ASXL2: variants seen among roughly 807,000 people sequenced by gnomAD.
The protein encoded by ASXL2 is putative Polycomb group protein ASXL2.
Under a neutral mutation model 122.0 loss-of-function variants are expected in ASXL2, and 23 were observed. The observed-to-expected ratio is 0.19, with a 90% CI of 0.14 to 0.27. ASXL2 has a LOEUF of 0.27. Among genes scored for constraint, ASXL2 ranks in the 10% least tolerant of loss-of-function variants. ASXL2 has a pLI of 1.00. For missense variants in ASXL2, 1,518 were observed against 1,713.8 expected, an observed-to-expected ratio of 0.89 and a Z score of 2.02; for synonymous variants, 650 against 637.0, an observed-to-expected ratio of 1.02 and a Z score of -0.31.
intron 1 of ASXL2, among the ~76,000 whole-genome samples, chr2:25,859,298 A>G (rs1574452228): frequency 6.6e-6 from 1 of 151,306 alleles, no homozygotes; most frequent in Admixed American, 6.6e-5. Context: ...TTAATTACTT[A>G]TATTTTATAC....
At chr2:25,771,965 C>T (rs1372083891) in intron 5 of ASXL2, among the ~76,000 whole-genome samples, 1 of 152,194 alleles carries the variant, frequency 6.6e-6, no homozygotes, top group East Asian at 1.9e-4. Context: ...GACCTCAAAA[C>T]TCTACCACAG....
chr2:25,847,688 T>C (rs1261259027), intron 1 of ASXL2, among the ~76,000 whole-genome samples: 1 of 152,188 alleles, frequency 6.6e-6, no homozygotes, highest in African/African-American at 2.4e-5. Context: ...ACCATGGACC[T>C]GGATAAATAG....
Position 25,734,037 on chromosome 2 carries a change from G to A in ASXL2, c.*7992C>T, listed in dbSNP as rs2087690660. On this transcript the variant is annotated 3_prime_UTR_variant, in exon 13 of 13. Transcript: ENST00000435504. ...TAGTGCTGGTGAAGGGTGCAATGCA[G>A]TCACAGAATTAAGACAGGTTTTTTT... 6.7e-6 allele frequency: 1 copy of A among 150,002 alleles called. No individual in the cohort carries two copies. The highest frequency in any genetic ancestry group is 2.1e-4 in the South Asian group (1 of 4,746). 9.3% of individuals were successfully genotyped at this position (150,002 alleles called of 1,614,324 possible). A position where few individuals can be genotyped will look rare whatever the true frequency, so the allele number is the denominator to read the frequency against.
chr2:25,869,778 T>C (rs1288644456), intron 1 of ASXL2, among the ~76,000 whole-genome samples: 1 of 151,422 alleles, frequency 6.6e-6, no homozygotes, highest in Non-Finnish European at 1.5e-5. Flanking sequence ...ATTACGCCAC[T>C]GCACTCCAGC....
At chr2:25,868,725 T>A (rs1574456604) in intron 1 of ASXL2, among the ~76,000 whole-genome samples, 1 of 152,294 alleles carries the variant, frequency 6.6e-6, no homozygotes, top group East Asian at 1.9e-4. Context: ...ATGCAAATCA[T>A]CCTCTCTTAA....
chr2:25,748,657 A>G (rs2087982820), intron 12 of ASXL2, among the ~76,000 whole-genome samples: 1 of 152,228 alleles, frequency 6.6e-6, no homozygotes, highest in Non-Finnish European at 1.5e-5. Context: ...TTTATATCCT[A>G]ATGAGTAATA....
rs2149132800 is a variant in ASXL2, at chr2:25,736,771, TG to T, written c.*5257del. ...GAACTACAATAAAAAGTCAGTTTTA[TG>T]GGTCATCAAGATACACTCTCGAAAA... On this transcript the variant is annotated 3_prime_UTR_variant, in exon 13 of 13. Coordinates refer to ENST00000435504, the MANE Select transcript of ASXL2 (RefSeq NM_018263.6). The T allele has an allele frequency of 6.6e-6, 1 of 152,322 alleles. No homozygotes were observed. Among genetic ancestry groups the T allele is most frequent in the East Asian group, 1.9e-4 (1 of 5,188 alleles). The allele number at this position is 152,322 out of a possible 1,614,324, so 9.4% of individuals were successfully genotyped here. A position where few individuals can be genotyped will look rare whatever the true frequency, so the allele number is the denominator to read the frequency against.
intron 3 of ASXL2, among the ~76,000 whole-genome samples, chr2:25,813,588 A>G (rs2089198497): frequency 1.3e-5 from 2 of 152,226 alleles, no homozygotes; most frequent in South Asian, 2.1e-4. Context: ...GAGACTGTAA[A>G]GTGTGTACAT....
At chr2:25,826,298 GT>G (rs1241118410) in intron 3 of ASXL2, among the ~76,000 whole-genome samples, 13 of 152,116 alleles carry the variant, frequency 8.5e-5, no homozygotes. Context: ...AATGACAGTT[GT>G]TTAAGTATTT....
At chr2:25,818,460 G>A (rs902644166) in intron 3 of ASXL2, among the ~76,000 whole-genome samples, 5 of 152,186 alleles carry the variant, frequency 3.3e-5, no homozygotes, top group Admixed American at 2.0e-4. Context: ...GCAGTAAGCC[G>A]AGATCATGCC....
At chr2:25,793,568 C>G (rs1394321332) in intron 5 of ASXL2, among the ~76,000 whole-genome samples, 1 of 152,138 alleles carries the variant, frequency 6.6e-6, no homozygotes, top group African/African-American at 2.4e-5. Context: ...AGATCAGACA[C>G]TGAAGGATTG....
Position 25,846,594 on chromosome 2 carries a change from G to C in ASXL2, c.58-1031C>G, listed in dbSNP as rs564889564. Among the ~76,000 whole-genome samples the C allele has an allele frequency of 2.6e-5, 4 of 152,210 alleles. No homozygotes were observed. In the East Asian group the frequency reaches 7.7e-4, roughly 29 times the overall value. On this transcript the variant is annotated intron_variant, in intron 1 of 12. Transcript: ENST00000435504. The stretch of plus-strand genomic sequence containing the variant: ...ACCTGGGAGACAGAGGTTGCAGTGA[G>C]CTGGGATCATGCCACTGCACTCCAT...
At chr2:25,869,398 T>C (rs2089941717) in intron 1 of ASXL2, among the ~76,000 whole-genome samples, 1 of 151,942 alleles carries the variant, frequency 6.6e-6, no homozygotes, top group African/African-American at 2.4e-5. Context: ...AAAAAAAAGA[T>C]TTAGCATTCC....
intron 4 of ASXL2, among the ~76,000 whole-genome samples, chr2:25,802,884 A>C (rs1156369068): frequency 9.9e-5 from 15 of 152,222 alleles, no homozygotes; most frequent in Non-Finnish European, 5.9e-5. Flanking sequence ...CAATCCCAGC[A>C]CTTTGGTAGG....
chr2:25,750,523 A>T, intron 11 of ASXL2, 110 bp from the exon 12 acceptor site: 1 of 945,896 alleles, frequency 1.1e-6, no homozygotes, highest in African/African-American at 1.6e-5. Context: ...CCCCTGACAC[A>T]GCAGGTATTC....
chr2:25,878,093 C>A (rs2090025068), intron 1 of ASXL2, 73 bp downstream of exon 1: 1 of 1,586,800 alleles, frequency 6.3e-7, no homozygotes, highest in Non-Finnish European at 8.6e-7. Context: ...CAGTGACCTC[C>A]CTTTCCCTGC....
rs2087742934 is a variant in ASXL2, at chr2:25,736,789, T to C, written c.*5240A>G. 1 of 152,216 alleles carries C rather than the reference T, an allele frequency of 6.6e-6. No individual in the cohort carries two copies. The highest frequency in any genetic ancestry group is 2.1e-4 in the South Asian group (1 of 4,824). The allele number at this position is 152,216 out of a possible 1,614,324, so 9.4% of individuals were successfully genotyped here. On this transcript the variant is annotated 3_prime_UTR_variant, in exon 13 of 13. Coordinates refer to ENST00000435504, the MANE Select transcript of ASXL2 (RefSeq NM_018263.6). Reference sequence around the variant, plus strand: ...AGTTTTATGGGTCATCAAGATACACTCTCGAAAATCTGACCTTAACAATTT... The same window carrying C: ...AGTTTTATGGGTCATCAAGATACACCCTCGAAAATCTGACCTTAACAATTT...
At chr2:25,754,433 G>A (rs893193366) in intron 10 of ASXL2, among the ~76,000 whole-genome samples, 2 of 152,132 alleles carry the variant, frequency 1.3e-5, no homozygotes, top group African/African-American at 4.8e-5. Context: ...GACCTCCTGG[G>A]GGTGAGAAGA....
At chr2:25,843,418 C>T (rs534631246) in intron 2 of ASXL2, among the ~76,000 whole-genome samples, 11 of 151,940 alleles carry the variant, frequency 7.2e-5, no homozygotes, top group African/African-American at 2.4e-4. Context: ...GGATTACAGG[C>T]GTGAGCCATT....
Sources: gnomAD v4.1 joint callset for allele counts (sites outside exome capture counted in the v4.1 genomes callset) on GRCh38, gnomAD v4.1.1 for gene constraint, MANE v1.5 for transcripts, NCBI Gene and HGNC (gene_info 2026-07-23, HGNC 2026-07-21) for gene names.